AFG3L2: variants seen among roughly 807,000 people sequenced by gnomAD.
The protein encoded by AFG3L2 is AFG3 like matrix AAA peptidase subunit 2.
Under a neutral mutation model 94.5 loss-of-function variants are expected in AFG3L2, and 54 were observed. The observed-to-expected ratio is 0.57, with a 90% CI of 0.46 to 0.72. The LOEUF is 0.72. AFG3L2 is among the 30% of genes least tolerant of loss of function. The pLI is 0.00. For missense variants in AFG3L2, 754 were observed against 994.9 expected, an observed-to-expected ratio of 0.76 and a Z score of 3.26; for synonymous variants, 377 against 365.5, an observed-to-expected ratio of 1.03 and a Z score of -0.36.
intron 16 of AFG3L2, among the ~76,000 whole-genome samples, chr18:12,332,659 T>C (rs1195009458): frequency 7.1e-6 from 1 of 141,716 alleles, no homozygotes; most frequent in Non-Finnish European, 1.5e-5. Flanking sequence ...AGATGTCATA[T>C]CATTTTATCC....
At chr18:12,370,960 A>C (rs1359675170) in intron 2 of AFG3L2, 34 bp from the exon 3 acceptor site, 1 of 1,299,986 alleles carries the variant, frequency 7.7e-7, no homozygotes, top group Non-Finnish European at 1.1e-6. Context: ...CTTATCTTCA[A>C]ACTAAAATTC....
At position 12,371,705 on chromosome 18, in the gene AFG3L2, TA is replaced by T; in HGVS notation, c.115-15del. ...AAATCGGTAAAGCTGCAACAAGACA[TA>T]AAAATAAAACCATAGTTATATCAAG... On this transcript the variant is annotated splice_polypyrimidine_tract_variant and intron_variant, in intron 1 of 16. Coordinates refer to ENST00000269143, the MANE Select transcript of AFG3L2 (RefSeq NM_006796.3). The T allele has an allele frequency of 6.2e-7, 1 of 1,607,474 alleles. No homozygotes were observed. Among genetic ancestry groups the T allele is most frequent in the Non-Finnish European group, 8.5e-7 (1 of 1,174,618 alleles).
At chr18:12,337,145 G>C in intron 16 of AFG3L2, 196 bp downstream of exon 16, 1 of 640,474 alleles carries the variant, frequency 1.6e-6, no homozygotes, top group Non-Finnish European at 2.8e-6. Context: ...AGCCGGGACA[G>C]TGTCAACTTC....
At chr18:12,349,710 G>A (rs1443316277) in intron 12 of AFG3L2, among the ~76,000 whole-genome samples, 1 of 152,114 alleles carries the variant, frequency 6.6e-6, no homozygotes, top group Non-Finnish European at 1.5e-5. Flanking sequence ...CACCCAGGCT[G>A]GAGTGCAATG....
In AFG3L2 at chr18:12,376,935, G is replaced by A. The variant is rs1408423558; in HGVS notation, c.114+34C>T. The A allele has an allele frequency of 3.6e-6, 5 of 1,389,474 alleles. No homozygotes were observed. The South Asian group carries it at 5.8e-5, about 16-fold the overall frequency. 86.1% of individuals were successfully genotyped at this position (1,389,474 alleles called of 1,614,324 possible). A position where few individuals can be genotyped will look rare whatever the true frequency, so the allele number is the denominator to read the frequency against. On this transcript the variant is annotated intron_variant, in intron 1 of 16. Coordinates refer to ENST00000269143, the MANE Select transcript of AFG3L2 (RefSeq NM_006796.3). Reference sequence around the variant, plus strand: ...CGAGCCGGAAGTGGGCCCGAGGCAGGGTGGAGGGCGCCGGGCGCCCAGGTA... The same window carrying A: ...CGAGCCGGAAGTGGGCCCGAGGCAGAGTGGAGGGCGCCGGGCGCCCAGGTA...
intron 1 of AFG3L2, among the ~76,000 whole-genome samples, chr18:12,376,382 T>C (rs1168696179): frequency 6.6e-6 from 1 of 152,174 alleles, no homozygotes; most frequent in Non-Finnish European, 1.5e-5. Context: ...CGTGTGTGTA[T>C]CTAGAGGGAT....
intron 9 of AFG3L2, 56 bp from the exon 10 acceptor site, chr18:12,353,214 A>G: frequency 3.1e-6 from 5 of 1,601,658 alleles, no homozygotes; most frequent in Non-Finnish European, 2.6e-6. Context: ...TATTCTCTGA[A>G]TAAGAAATGA....
intron 6 of AFG3L2, among the ~76,000 whole-genome samples, chr18:12,361,134 G>A (rs1461188106): frequency 6.6e-6 from 1 of 152,196 alleles, no homozygotes; most frequent in Non-Finnish European, 1.5e-5. Flanking sequence ...ACTTTGGGAA[G>A]CCCAGGTGGC....
chr18:12,340,334 T>A lies in AFG3L2; in HGVS notation c.1847A>T (p.Tyr616Phe), dbSNP rs387906889. ...AQYLPKEQYL[Y>F]TKEQLLDRMC... ...CCTATCCAAGAGCTGCTCTTTGGTA[T>A]AGAGGTATTGTTCTTTTGGTAAATA... The change falls in exon 15 of 17, where the codon TAT becomes TTT. Residue 616 changes from tyrosine (Y) to phenylalanine (F), a missense_variant. By Grantham distance (22) the Tyr-to-Phe change is conservative. This residue lies in a region of AFG3L2 where 279 missense variants were observed against 378.6 expected (regional missense o/e 0.74). Coordinates refer to ENST00000269143, the MANE Select transcript of AFG3L2 (RefSeq NM_006796.3). 4 of 1,614,022 alleles carry A rather than the reference T, an allele frequency of 2.5e-6. No homozygotes were observed. The African/African-American group carries it at 5.3e-5, about 22-fold the overall frequency.
chr18:12,344,381 A>G (rs891794546), intron 13 of AFG3L2, 134 bp from the exon 14 acceptor site: 2 of 756,944 alleles, frequency 2.6e-6, no homozygotes. Flanking sequence ...CAATCCAAAA[A>G]TTCCTAATCA....
intron 16 of AFG3L2, among the ~76,000 whole-genome samples, chr18:12,336,338 A>G (rs2143106496): frequency 6.6e-6 from 1 of 152,350 alleles, no homozygotes; most frequent in African/African-American, 2.4e-5. Flanking sequence ...ATTTCTGACA[A>G]CCAATGGCTC....
At chr18:12,352,921 T>C in intron 10 of AFG3L2, 84 bp downstream of exon 10, 1 of 1,584,230 alleles carries the variant, frequency 6.3e-7, no homozygotes, top group East Asian at 2.3e-5. Context: ...CACCACTCAC[T>C]TCAGCCTGGA....
At chr18:12,355,163 C>T (rs972052648) in intron 9 of AFG3L2, among the ~76,000 whole-genome samples, 1 of 150,434 alleles carries the variant, frequency 6.6e-6, no homozygotes, top group Non-Finnish European at 1.5e-5. Context: ...TATGCCGCTG[C>T]ACTCCAGCCT....
intron 10 of AFG3L2, 40 bp from the exon 11 acceptor site, chr18:12,351,453 G>T (rs186981770): frequency 6.4e-7 from 1 of 1,570,012 alleles, no homozygotes; most frequent in South Asian, 1.1e-5. Context: ...TAAATGACAA[G>T]AGGCAGAAAG....
At chr18:12,367,894 C>T (rs1908857600) in intron 3 of AFG3L2, among the ~76,000 whole-genome samples, 1 of 152,110 alleles carries the variant, frequency 6.6e-6, no homozygotes, top group South Asian at 2.1e-4. Flanking sequence ...TCTGGCCGGG[C>T]GCGGTGGTTC....
At chr18:12,351,013 T>G (rs1183727636) in intron 12 of AFG3L2, 72 bp downstream of exon 12, 1 of 1,589,876 alleles carries the variant, frequency 6.3e-7, no homozygotes, top group East Asian at 2.2e-5. Flanking sequence ...GGTAAGAAAG[T>G]AAACCGGTAC....
intron 8 of AFG3L2, 140 bp from the exon 9 acceptor site, chr18:12,356,971 G>A (rs1908516447): frequency 3.6e-6 from 3 of 843,870 alleles, no homozygotes; most frequent in South Asian, 1.8e-5. Context: ...TCTGAGCTAT[G>A]GTAGAACATT....
intron 16 of AFG3L2, among the ~76,000 whole-genome samples, chr18:12,329,998 A>G (rs1475124731): frequency 6.6e-6 from 1 of 152,238 alleles, no homozygotes; most frequent in Non-Finnish European, 1.5e-5. Flanking sequence ...CATACTAGAC[A>G]TATTTCCACA....
At chr18:12,344,404 G>A (rs985692521) in intron 13 of AFG3L2, 157 bp from the exon 14 acceptor site, 2 of 671,698 alleles carry the variant, frequency 3.0e-6, no homozygotes, top group Non-Finnish European at 5.4e-6. Flanking sequence ...GCCAGGCGCA[G>A]TGGCTCATGC....
Sources: allele counts gnomAD v4.1 joint callset (sites outside exome capture counted in the v4.1 genomes callset), GRCh38; gene constraint gnomAD v4.1.1; regional missense constraint gnomAD v4.1.1; transcripts MANE v1.5; gene names NCBI Gene and HGNC (gene_info 2026-07-23, HGNC 2026-07-21).